The following AHI1 variants were observed in gnomAD, a reference collection of about 807,000 sequenced individuals.
AHI1 encodes the protein Abelson helper integration site 1, also known as jouberin.
In AHI1, 123 loss-of-function variants were observed where a neutral mutation model predicts 149.3. The ratio of observed to expected loss-of-function variants is 0.82; its 90% CI spans 0.71 to 0.96. The LOEUF is 0.96. Among genes scored for constraint, AHI1 ranks in the 40% least tolerant of loss-of-function variants. AHI1 has a pLI of 0.00. For missense variants in AHI1, 1,439 were observed against 1,422.7 expected, an observed-to-expected ratio of 1.01 and a Z score of -0.18; for synonymous variants, 475 against 459.8, an observed-to-expected ratio of 1.03 and a Z score of -0.42.
At chr6:135,386,748 A>AG (rs1384753528) in intron 23 of AHI1, among the ~76,000 whole-genome samples, 8 of 152,010 alleles carry the variant, frequency 5.3e-5, no homozygotes, top group Non-Finnish European at 1.0e-4. Flanking sequence ...CACCTGTCTA[A>AG]GCCTCCCGAG....
chr6:135,395,650 G>A (rs1170459461), intron 22 of AHI1, among the ~76,000 whole-genome samples: 1 of 151,066 alleles, frequency 6.6e-6, no homozygotes, highest in South Asian at 2.1e-4. Flanking sequence ...ATCAGAATTC[G>A]TTTCAGAAAA....
At chr6:135,487,865 A>T (rs1562287712) in intron 5 of AHI1, among the ~76,000 whole-genome samples, 1 of 152,036 alleles carries the variant, frequency 6.6e-6, no homozygotes, top group Non-Finnish European at 1.5e-5. Flanking sequence ...TTTGATTCAT[A>T]TCTAGAAATG....
intron 26 of AHI1, among the ~76,000 whole-genome samples, chr6:135,314,018 G>C (rs1223769732): frequency 2.6e-5 from 4 of 152,178 alleles, no homozygotes; most frequent in African/African-American, 9.7e-5. Flanking sequence ...AGCTGTCACA[G>C]CAACCCTTTA....
At chr6:135,445,068 C>G (rs748828234) in intron 13 of AHI1, among the ~76,000 whole-genome samples, 1 of 152,168 alleles carries the variant, frequency 6.6e-6, no homozygotes, top group African/African-American at 2.4e-5. Context: ...TGGAAGTTCC[C>G]CAAGGGCATA....
chr6:135,474,966 A>G (rs1554220827), intron 5 of AHI1, among the ~76,000 whole-genome samples: 1 of 152,248 alleles, frequency 6.6e-6, no homozygotes, highest in Non-Finnish European at 1.5e-5. Context: ...AGTCTGGAAG[A>G]GTCTGTATAG....
intron 27 of AHI1, among the ~76,000 whole-genome samples, chr6:135,298,724 A>T (rs538513182): frequency 4.1e-4 from 63 of 152,336 alleles, no homozygotes; most frequent in Admixed American, 2.4e-3. Context: ...TTTCAGAAGC[A>T]TCTTCAAAAA....
Position 135,466,290 on chromosome 6 carries a change from C to T in AHI1, c.273G>A (p.Lys91=). Residue 91 remains lysine, a synonymous_variant, in exon 7 of 29, where the codon AAG becomes AAA. Transcript: ENST00000265602. Reference sequence around the variant, plus strand: ...TGTTTTTAGTGACTCTCGTGCTCTTCTTCAGGTTGTTAGTGTTAGCAGCAC... The same window carrying T: ...TGTTTTTAGTGACTCTCGTGCTCTTTTTCAGGTTGTTAGTGTTAGCAGCAC... ...DVSAANTNNL[K]KSTRVTKNKL... The T allele has an allele frequency of 1.9e-6, 3 of 1,613,970 alleles. No individual in the cohort carries two copies. Among genetic ancestry groups the T allele is most frequent in the Non-Finnish European group, 2.5e-6 (3 of 1,179,870 alleles).
At position 135,433,183 on chromosome 6, in the gene AHI1, T is replaced by C. The variant is rs2128022830; in HGVS notation, c.2110A>G (p.Lys704Glu). The C allele has an allele frequency of 6.2e-7, 1 of 1,613,162 alleles. No individual in the cohort carries two copies. The highest frequency in any genetic ancestry group is 8.5e-7 in the Non-Finnish European group (1 of 1,179,194). ...AGCTCTCTTACAGCTGGATGGAATT[T>C]AGCCGTGTAAACAAAAGAAGGATGA... The part of the protein sequence containing the change: ...LPHPSFVYTA[K>E]FHPAVRELVV... The change falls in exon 16 of 29, where the codon AAA becomes GAA. Residue 704 changes from lysine (K) to glutamate (E), a missense_variant. Lys to Glu is a moderately conservative substitution (Grantham distance 56). Transcript: ENST00000265602.
At chr6:135,445,141 G>A (rs1256276841) in intron 13 of AHI1, among the ~76,000 whole-genome samples, 2 of 152,174 alleles carry the variant, frequency 1.3e-5, no homozygotes, top group Admixed American at 6.5e-5. Flanking sequence ...ATTTTAAAAT[G>A]TATCTGTAAA....
chr6:135,456,662 C>CT (rs1478176894), intron 9 of AHI1, among the ~76,000 whole-genome samples: 8 of 152,060 alleles, frequency 5.3e-5, no homozygotes, highest in African/African-American at 1.2e-4. Context: ...GGTGAATGGG[C>CT]TTTTTTTGGA....
In AHI1 at chr6:135,478,166, C is replaced by A. The variant is rs1284616890; in HGVS notation, c.136-10532G>T. Among the ~76,000 whole-genome samples, 3 of 152,060 alleles carry A rather than the reference C, an allele frequency of 2.0e-5. No homozygotes were observed. The East Asian group carries it at 5.8e-4, about 29-fold the overall frequency. On this transcript the variant is annotated intron_variant, in intron 5 of 28. Transcript: ENST00000265602. ...GAAAATTGGTACCAGAGAAGTGGGG[C>A]ATTGCTATAAAGATACCTGAAAATG...
intron 26 of AHI1, among the ~76,000 whole-genome samples, chr6:135,318,219 A>C (rs1439311827): frequency 6.6e-6 from 1 of 152,220 alleles, no homozygotes; most frequent in African/African-American, 2.4e-5. Context: ...ATCACAGTTA[A>C]AGAAATAAGT....
intron 24 of AHI1, among the ~76,000 whole-genome samples, chr6:135,328,917 G>C (rs1001341163): frequency 1.3e-5 from 2 of 152,222 alleles, no homozygotes; most frequent in Admixed American, 1.3e-4. Context: ...AAGTTTTAGT[G>C]GTCTGGATAG....
At chr6:135,369,523 T>A (rs575470382) in intron 23 of AHI1, among the ~76,000 whole-genome samples, 1 of 152,320 alleles carries the variant, frequency 6.6e-6, no homozygotes, top group Admixed American at 6.5e-5. Context: ...CTATAGGTTG[T>A]CTTTAATTAG....
At chr6:135,370,167 T>C (rs1056703686) in intron 23 of AHI1, among the ~76,000 whole-genome samples, 4 of 152,182 alleles carry the variant, frequency 2.6e-5, no homozygotes, top group African/African-American at 9.7e-5. Context: ...AGGCTCACCA[T>C]TTCCTTTTTC....
At chr6:135,397,234 G>A (rs1339076179) in intron 22 of AHI1, among the ~76,000 whole-genome samples, 3 of 151,788 alleles carry the variant, frequency 2.0e-5, no homozygotes, top group Admixed American at 6.6e-5. Context: ...AAGCAAGCTC[G>A]TACATATTTA....
chr6:135,302,558 A>G lies in AHI1; in HGVS notation c.3427-2000T>C, dbSNP rs1044465818. 1.4e-5 allele frequency: 15 copies of G among 1,105,186 alleles called. 1 individual carries two copies. Among genetic ancestry groups the G allele is most frequent in the Non-Finnish European group, 4.4e-6 (4 of 901,096 alleles). The allele number at this position is 1,105,186 out of a possible 1,614,324, so 68.5% of individuals were successfully genotyped here. On this transcript the variant is annotated intron_variant, in intron 26 of 28. Coordinates refer to ENST00000265602, the MANE Select transcript of AHI1 (RefSeq NM_001134831.2). Reference sequence around the variant, plus strand: ...GTATTCCTATCACTGGCATACCCAAATCCTTTTTAATGATGCAGAGGCAGC... The same window carrying G: ...GTATTCCTATCACTGGCATACCCAAGTCCTTTTTAATGATGCAGAGGCAGC...
intron 13 of AHI1, among the ~76,000 whole-genome samples, chr6:135,443,335 A>G (rs1046998500): frequency 4.1e-4 from 62 of 152,354 alleles, no homozygotes; most frequent in African/African-American, 1.4e-3. Flanking sequence ...CTACTGTAGA[A>G]AATACCAGTT....
rs151197648 is a variant in AHI1 at position 135,340,863 on chromosome 6, A to G, written c.3165+17269T>C. Among the ~76,000 whole-genome samples, 866 of 151,414 alleles carry G rather than the reference A, an allele frequency of 5.7e-3. 2 individuals carry two copies. The highest frequency in any genetic ancestry group is 9.2e-3 in the Non-Finnish European group (626 of 67,720). ...AACTATCTTGGAGCAAAGTTTTTAT[A>G]TACTACTGAAATTAACTTGGTATTA... On this transcript the variant is annotated intron_variant, in intron 24 of 28. Transcript: ENST00000265602.
Sources: allele counts gnomAD v4.1 joint callset (sites outside exome capture counted in the v4.1 genomes callset), GRCh38; gene constraint gnomAD v4.1.1; transcripts MANE v1.5; gene names NCBI Gene and HGNC (gene_info 2026-07-23, HGNC 2026-07-21).